Variants in KLF12 observed in about 807,000 individuals in gnomAD.
The protein encoded by KLF12 is Krueppel-like factor 12.
Under a neutral mutation model 37.8 loss-of-function variants are expected in KLF12, and 9 were observed. That is an observed-to-expected ratio of 0.24 (90% confidence interval 0.14 to 0.42). The LOEUF is 0.42. Among genes scored for constraint, KLF12 ranks in the 10% least tolerant of loss-of-function variants. The pLI, the probability that KLF12 is intolerant of heterozygous loss-of-function variation, is 1.00. For missense variants in KLF12, 411 were observed against 516.0 expected, an observed-to-expected ratio of 0.80 and a Z score of 1.97; for synonymous variants, 208 against 202.1, an observed-to-expected ratio of 1.03 and a Z score of -0.25.
intron 3 of KLF12, among the ~76,000 whole-genome samples, chr13:73,858,626 A>T (rs774070087): frequency 3.9e-5 from 6 of 152,188 alleles, no homozygotes; most frequent in Non-Finnish European, 2.9e-5. Flanking sequence ...ATTACTATAT[A>T]ATCAACACAA....
At chr13:73,772,312 G>T (rs1423103336) in intron 5 of KLF12, among the ~76,000 whole-genome samples, 5 of 152,164 alleles carry the variant, frequency 3.3e-5, no homozygotes, top group Admixed American at 2.6e-4. Context: ...GATGCTACAA[G>T]GATTCAAACA....
At chr13:74,281,647 A>G in the KLF12 span, among the ~76,000 whole-genome samples, 1 of 152,380 alleles carries the variant, frequency 6.6e-6, no homozygotes, top group East Asian at 1.9e-4. Flanking sequence ...ATAAGGCTAT[A>G]GAATGAATAA....
At chr13:73,908,240 A>G (rs1198040214) in intron 3 of KLF12, among the ~76,000 whole-genome samples, 1 of 151,622 alleles carries the variant, frequency 6.6e-6, no homozygotes, top group East Asian at 2.0e-4. Context: ...GTTTCTACTA[A>G]AAATACAAAA....
chr13:73,719,312 A>C (rs553913477), intron 6 of KLF12, among the ~76,000 whole-genome samples: 1 of 152,302 alleles, frequency 6.6e-6, no homozygotes, highest in African/African-American at 2.4e-5. Context: ...AGTGGACGAC[A>C]ACCGTGGACT....
chr13:74,045,628 G>GA lies in KLF12; in HGVS notation c.-31-50576dup, dbSNP rs71115631. On this transcript the variant is annotated intron_variant, in intron 1 of 7. Coordinates refer to ENST00000377669, the MANE Select transcript of KLF12 (RefSeq NM_007249.5). ...ATTTGATTACAGCATTGACGAAAAT[G>GA]AAAAAAAAAAAAAAATAGATCCCCA... 4.0e-4 allele frequency among the ~76,000 whole-genome samples: 59 copies of GA among 146,758 alleles called. 2 individuals are homozygous for GA. Among genetic ancestry groups the GA allele is most frequent in the South Asian group, 1.3e-3 (6 of 4,668 alleles).
intron 3 of KLF12, among the ~76,000 whole-genome samples, chr13:73,868,060 T>C (rs1198132923): frequency 6.8e-6 from 1 of 146,738 alleles, no homozygotes; most frequent in Non-Finnish European, 1.5e-5. Context: ...CTGGGTGTAG[T>C]GGCTCATGCC....
At chr13:74,161,426 G>T in the KLF12 span, among the ~76,000 whole-genome samples, 1 of 152,142 alleles carries the variant, frequency 6.6e-6, no homozygotes, top group Non-Finnish European at 1.5e-5. Flanking sequence ...ACATACAGAG[G>T]CACAGGGGAA....
At chr13:74,261,385 C>G in the KLF12 span, among the ~76,000 whole-genome samples, 1 of 151,912 alleles carries the variant, frequency 6.6e-6, no homozygotes. Context: ...TAAACAGAAG[C>G]ATGAAAATAA....
intron 1 of KLF12, among the ~76,000 whole-genome samples, chr13:74,094,246 G>A (rs1207248439): frequency 2.6e-5 from 4 of 152,186 alleles, no homozygotes; most frequent in African/African-American, 7.2e-5. Flanking sequence ...CTTGGTGGCC[G>A]AGAAAGCAAA....
chr13:73,764,773 T>A (rs114896990), intron 6 of KLF12, among the ~76,000 whole-genome samples, 165 bp downstream of exon 6: 374 of 152,222 alleles, frequency 2.5e-3, no homozygotes, highest in African/African-American at 8.5e-3. Flanking sequence ...AGGAACTCTA[T>A]CAATATTTAT....
intron 3 of KLF12, among the ~76,000 whole-genome samples, chr13:73,860,188 T>C (rs1885844987): frequency 6.6e-6 from 1 of 152,208 alleles, no homozygotes; most frequent in African/African-American, 2.4e-5. Context: ...TTCAGGTGTC[T>C]GTTATCTCCT....
At chr13:74,197,633 G>A in the KLF12 span, among the ~76,000 whole-genome samples, 5,190 of 152,278 alleles carry the variant, frequency 0.034, 217 homozygotes, top group African/African-American at 0.094. Flanking sequence ...CTGGTAAGAT[G>A]AGGGTAATAG....
chr13:73,705,746 A>C (rs1210992908), intron 7 of KLF12, among the ~76,000 whole-genome samples: 1 of 152,252 alleles, frequency 6.6e-6, no homozygotes, highest in Non-Finnish European at 1.5e-5. Flanking sequence ...AGAAAGTAGA[A>C]AGACTGAAGA....
chr13:74,195,092 G>A, the KLF12 span, among the ~76,000 whole-genome samples: 1 of 152,154 alleles, frequency 6.6e-6, no homozygotes, highest in Non-Finnish European at 1.5e-5. Flanking sequence ...CCTTTGGCCA[G>A]CTACAAGGTG....
the KLF12 span, among the ~76,000 whole-genome samples, chr13:74,275,004 A>G: frequency 3.7e-4 from 57 of 152,160 alleles, no homozygotes; most frequent in Non-Finnish European, 7.4e-4. Flanking sequence ...ACTCACTTAT[A>G]TTTTCTTTCT....
At chr13:73,843,307 T>G (rs2138668544) in intron 4 of KLF12, among the ~76,000 whole-genome samples, 1 of 152,150 alleles carries the variant, frequency 6.6e-6, no homozygotes, top group East Asian at 1.9e-4. Context: ...ATACATTATG[T>G]TCTTTTTTTT....
intron 5 of KLF12, among the ~76,000 whole-genome samples, chr13:73,782,498 C>G (rs1351414076): frequency 6.6e-6 from 1 of 152,150 alleles, no homozygotes; most frequent in Non-Finnish European, 1.5e-5. Flanking sequence ...CCAAATTGTA[C>G]CTAACTAGGG....
At chr13:73,725,377 G>A (rs1360205840) in intron 6 of KLF12, among the ~76,000 whole-genome samples, 1 of 152,230 alleles carries the variant, frequency 6.6e-6, no homozygotes, top group Admixed American at 6.5e-5. Flanking sequence ...TGGGATTACA[G>A]GCGTGAGCCA....
chr13:73,926,378 T>A (rs1313740165), intron 3 of KLF12, among the ~76,000 whole-genome samples: 2 of 152,202 alleles, frequency 1.3e-5, no homozygotes, highest in Non-Finnish European at 2.9e-5. Flanking sequence ...ATCGTTAGCA[T>A]TTTTTAGCAA....
Sources: allele counts gnomAD v4.1 joint callset (sites outside exome capture counted in the v4.1 genomes callset), GRCh38; gene constraint gnomAD v4.1.1; transcripts MANE v1.5; gene names NCBI Gene and HGNC (gene_info 2026-07-23, HGNC 2026-07-21).